Variants in FRMPD4 observed in about 807,000 individuals in gnomAD.
FRMPD4 encodes the protein FERM and PDZ domain-containing protein 4.
FRMPD4 carries 22 observed loss-of-function variants against 94.1 expected under a neutral mutation model. The ratio of observed to expected loss-of-function variants is 0.23; its 90% CI spans 0.17 to 0.33. FRMPD4 has a LOEUF of 0.33. FRMPD4 is among the 10% of genes least tolerant of loss of function. The pLI, the probability that FRMPD4 is intolerant of heterozygous loss-of-function variation, is 1.00. For missense variants in FRMPD4, 1,111 were observed against 1,339.9 expected, an observed-to-expected ratio of 0.83 and a Z score of 2.67; for synonymous variants, 631 against 548.6, an observed-to-expected ratio of 1.15 and a Z score of -2.10.
chrX:11,825,313 A>G lies in FRMPD4; in HGVS notation c.-161+2598A>G, dbSNP rs568079412. On this transcript the variant is annotated intron_variant, in intron 1 of 18. Transcript: ENST00000640291. Reference sequence around the variant, plus strand: ...CGGCTTGTGTGAACTCTCTCTATACATTTAAAAATTGAAGAGCTATGGCTT... The same window carrying G: ...CGGCTTGTGTGAACTCTCTCTATACGTTTAAAAATTGAAGAGCTATGGCTT... Among the ~76,000 whole-genome samples, 28 of 108,591 alleles carry G rather than the reference A, an allele frequency of 2.6e-4. No individual in the cohort carries two copies. In the South Asian group the frequency reaches 0.011, roughly 45 times the overall value. The allele number at this position is 108,591 out of a possible 115,157, so 94.3% of individuals were successfully genotyped here.
intron 3 of FRMPD4, among the ~76,000 whole-genome samples, chrX:12,108,222 C>A (rs1355939056): frequency 1.8e-5 from 2 of 111,866 alleles, no homozygotes; most frequent in Non-Finnish European, 3.8e-5. Context: ...AACAGCTGAT[C>A]TCTCGGCAGA....
In FRMPD4 at chrX:12,028,745, C is replaced by T. The variant is rs183258154; in HGVS notation, c.95+150727C>T. 2.2e-3 allele frequency among the ~76,000 whole-genome samples: 251 copies of T among 111,576 alleles called. 1 individual carries two copies. The highest frequency in any genetic ancestry group is 7.1e-3 in the African/African-American group (218 of 30,709). On this transcript the variant is annotated intron_variant, in intron 3 of 18. Transcript: ENST00000640291. ...TTGGAATCATGCAGTATATAGCCTTCTCAGATTGGCTTCTTTCACTTAGTA... is the reference window on the plus strand; with the variant it reads ...TTGGAATCATGCAGTATATAGCCTTTTCAGATTGGCTTCTTTCACTTAGTA...
rs58794898 is a variant in FRMPD4, at chrX:12,305,725, G to GTTTTTTTTTTTTTTTTTTTT, written c.41+166716_41+166735dup. Among the ~76,000 whole-genome samples, 11 of 59,697 alleles carry GTTTTTTTTTTTTTTTTTTTT rather than the reference G, an allele frequency of 1.8e-4. 1 individual carries two copies. The highest frequency in any genetic ancestry group is 1.4e-3 in the Admixed American group (5 of 3,517). 51.8% of individuals were successfully genotyped at this position (59,697 alleles called of 115,157 possible). A position where few individuals can be genotyped will look rare whatever the true frequency, so the allele number is the denominator to read the frequency against. On this transcript the variant is annotated intron_variant, in intron 1 of 16. Coordinates refer to ENST00000675598, the MANE Select transcript of FRMPD4 (RefSeq NM_001368397.1). ...GGCATGTACCACCACAGCTGGCTAAGTTTTTTTTTTTTTTTTTTTTTTACA... is the reference window on the plus strand; with the variant it reads ...GGCATGTACCACCACAGCTGGCTAAGTTTTTTTTTTTTTTTTTTTTTTTTTTTTTTTTTTTTTTTTTTACA...
intron 2 of FRMPD4, among the ~76,000 whole-genome samples, chrX:12,544,539 A>G (rs1179882559): frequency 1.8e-5 from 2 of 111,904 alleles, no homozygotes; most frequent in Non-Finnish European, 3.8e-5. Context: ...CTATGTGGGC[A>G]TTCGGGAAGT....
intron 1 of FRMPD4, among the ~76,000 whole-genome samples, chrX:12,382,667 T>C (rs1315243475): frequency 2.7e-5 from 3 of 111,582 alleles, no homozygotes; most frequent in African/African-American, 9.8e-5. Context: ...AGGGCAGTCC[T>C]CAGGACTACC....
chrX:12,054,298 G>A (rs1040105443), intron 3 of FRMPD4, among the ~76,000 whole-genome samples: 6 of 110,774 alleles, frequency 5.4e-5, no homozygotes, highest in African/African-American at 1.6e-4. Context: ...GTGAGGGGCC[G>A]TCAGCATTTG....
intron 1 of FRMPD4, among the ~76,000 whole-genome samples, chrX:12,445,578 G>C (rs150406379): frequency 2.7e-5 from 3 of 112,067 alleles, no homozygotes; most frequent in African/African-American, 9.7e-5. Flanking sequence ...GTAAAAGGTC[G>C]GTAGTTATAT....
chrX:11,998,097 T>C (rs899714734), intron 3 of FRMPD4, among the ~76,000 whole-genome samples: 1 of 111,974 alleles, frequency 8.9e-6, no homozygotes, highest in Non-Finnish European at 1.9e-5. Flanking sequence ...GACACAGTGT[T>C]CTTTGTGCCT....
chrX:11,934,465 G>A (rs2054140005), intron 3 of FRMPD4, among the ~76,000 whole-genome samples: 1 of 111,769 alleles, frequency 8.9e-6, no homozygotes, highest in South Asian at 3.8e-4. Flanking sequence ...TCCCAGGGAA[G>A]TCTCCATGGT....
At chrX:12,579,369 G>A (rs778239636) in intron 2 of FRMPD4, among the ~76,000 whole-genome samples, 3 of 112,300 alleles carry the variant, frequency 2.7e-5, no homozygotes, top group Non-Finnish European at 3.8e-5. Context: ...TTAGACTGCA[G>A]ACTCTAGCCT....
At position 12,019,420 on chromosome X, in the gene FRMPD4, C is replaced by G. The variant is rs145270359; in HGVS notation, c.95+141402C>G. 5.1e-3 allele frequency among the ~76,000 whole-genome samples: 565 copies of G among 110,004 alleles called. 4 individuals carry two copies. Among genetic ancestry groups the G allele is most frequent in the African/African-American group, 0.018 (547 of 30,187 alleles). ...CTCTCTCTCTCTCTCCCTCTCTCTC[C>G]TCTCTTCAATCCTGTTTACACTCTG... On this transcript the variant is annotated intron_variant, in intron 3 of 18. Transcript: ENST00000640291.
intron 1 of FRMPD4, among the ~76,000 whole-genome samples, chrX:12,274,795 G>A (rs763909001): frequency 1.8e-5 from 2 of 112,493 alleles, no homozygotes; most frequent in South Asian, 3.7e-4. Context: ...GGATCACGAG[G>A]TCAGGAGATC....
chrX:12,095,315 C>T (rs1174296808), intron 3 of FRMPD4, among the ~76,000 whole-genome samples: 2 of 106,666 alleles, frequency 1.9e-5, no homozygotes, highest in Non-Finnish European at 3.8e-5. Context: ...GTGGTTGAGG[C>T]TGTGGTGAGC....
chrX:11,974,481 C>G (rs907111160), intron 3 of FRMPD4, among the ~76,000 whole-genome samples: 1 of 111,809 alleles, frequency 8.9e-6, no homozygotes, highest in Non-Finnish European at 1.9e-5. Context: ...GAACCATGAG[C>G]CACGTAAACC....
chrX:12,608,667 A>G (rs1479887091), intron 2 of FRMPD4, among the ~76,000 whole-genome samples: 1 of 112,611 alleles, frequency 8.9e-6, no homozygotes, highest in Non-Finnish European at 1.9e-5. Context: ...TTCTAAGCAT[A>G]TCAGTTATAA....
intron 1 of FRMPD4, among the ~76,000 whole-genome samples, chrX:11,849,103 G>T (rs933253138): frequency 8.9e-6 from 1 of 111,815 alleles, no homozygotes; most frequent in African/African-American, 3.2e-5. Context: ...CATGGAGTCA[G>T]CGAAGTTGCA....
intron 3 of FRMPD4, among the ~76,000 whole-genome samples, chrX:12,124,353 A>G (rs1410220699): frequency 1.8e-5 from 2 of 112,199 alleles, no homozygotes; most frequent in African/African-American, 6.5e-5. Flanking sequence ...AGGTTCTACA[A>G]TGGGAGGACC....
At chrX:12,447,357 T>C (rs1264893980) in intron 1 of FRMPD4, among the ~76,000 whole-genome samples, 6 of 111,740 alleles carry the variant, frequency 5.4e-5, no homozygotes. Flanking sequence ...ACCAAAAGTA[T>C]TGCCAGATAT....
intron 1 of FRMPD4, among the ~76,000 whole-genome samples, chrX:12,421,131 G>A (rs1351635758): frequency 8.9e-6 from 1 of 112,082 alleles, no homozygotes; most frequent in Non-Finnish European, 1.9e-5. Context: ...GCAACACATT[G>A]ACCAGGTTAA....
Sources: allele counts gnomAD v4.1 joint callset (sites outside exome capture counted in the v4.1 genomes callset), GRCh38; gene constraint gnomAD v4.1.1; transcripts MANE v1.5; gene names NCBI Gene and HGNC (gene_info 2026-07-23, HGNC 2026-07-21).